The following PRLHR variants were observed in gnomAD, a reference collection of about 807,000 sequenced individuals.
PRLHR encodes the protein prolactin releasing hormone receptor, also known as prolactin-releasing peptide receptor.
A neutral mutation model predicts 9.3 loss-of-function variants in PRLHR; 10 were observed. That is an observed-to-expected ratio of 1.08 (90% CI 0.66 to 1.82). PRLHR has a LOEUF of 1.82. PRLHR is among the 40% of genes most tolerant of loss of function. PRLHR has a pLI of 0.00. For missense variants in PRLHR, 589 were observed against 512.0 expected (o/e 1.15, Z -1.45); for synonymous variants, 261 against 249.3 (o/e 1.05, Z -0.44).
chr10:118,591,002 A>G lies in PRLHR; in HGVS notation c.*3130T>C, dbSNP rs886676359. ...GATGCTTGTTTTTCATAGTTGATAT[A>G]AACTTAAGCTAATCAAGGAGCACTT... On this transcript the variant is annotated 3_prime_UTR_variant, in exon 2 of 2. Coordinates refer to ENST00000239032, the MANE Select transcript of PRLHR (RefSeq NM_004248.3). The G allele has an allele frequency of 2.0e-5, 3 of 152,242 alleles. No homozygotes were observed. The highest frequency in any genetic ancestry group is 7.2e-5 in the African/African-American group (3 of 41,462). The allele number at this position is 152,242 out of a possible 1,614,324, so 9.4% of individuals were successfully genotyped here. A position where few individuals can be genotyped will look rare whatever the true frequency, so the allele number is the denominator to read the frequency against.
rs1844484533 is a variant in PRLHR, at chr10:118,595,231, G to A, written c.14C>T (p.Thr5Ile). The A allele has an allele frequency of 6.5e-7, 1 of 1,531,958 alleles. No individual in the cohort carries two copies. Among genetic ancestry groups the A allele is most frequent in the Non-Finnish European group, 8.7e-7 (1 of 1,144,894 alleles). The allele number at this position is 1,531,958 out of a possible 1,614,324, so 94.9% of individuals were successfully genotyped here. A position where few individuals can be genotyped will look rare whatever the true frequency, so the allele number is the denominator to read the frequency against. MASS[T>I]TRGPRVSDLF... ...GTCAGAAACCCTGGGGCCCCGAGTGGTCGATGAGGCCATGGCCACCTGTTC... is the reference window on the plus strand; with the variant it reads ...GTCAGAAACCCTGGGGCCCCGAGTGATCGATGAGGCCATGGCCACCTGTTC... The change falls in exon 2 of 2, where the codon ACC (threonine) becomes ATC (isoleucine). Residue 5 changes from threonine to isoleucine, a missense_variant. Transcript: ENST00000239032.
Sources: allele counts gnomAD v4.1 joint callset, GRCh38; gene constraint gnomAD v4.1.1; transcripts MANE v1.5; gene names NCBI Gene and HGNC (gene_info 2026-07-23, HGNC 2026-07-21).